The following SUGCT variants were observed in gnomAD, a reference collection of about 807,000 sequenced individuals.
SUGCT encodes the protein succinyl-CoA:glutarate-CoA transferase, also known as succinyl-CoA:glutarate CoA-transferase.
In SUGCT, 41 loss-of-function variants were observed where a neutral mutation model predicts 55.0. That is an observed-to-expected ratio of 0.74 (90% CI 0.58 to 0.97). The LOEUF (loss-of-function observed/expected upper bound fraction) is 0.97, where lower values mean the gene tolerates loss of function less well. SUGCT is among the 50% of genes least tolerant of loss of function. The pLI is 0.00. For missense variants in SUGCT, 568 were observed against 547.8 expected (o/e 1.04, Z -0.37); for synonymous variants, 187 against 200.4 (o/e 0.93, Z 0.56).
intron 12 of SUGCT, among the ~76,000 whole-genome samples, chr7:40,748,576 A>C (rs1393839720): frequency 6.6e-6 from 1 of 151,628 alleles, no homozygotes; most frequent in Admixed American, 6.6e-5. Flanking sequence ...AGAATATTTG[A>C]AGTTATTAGT....
intron 12 of SUGCT, among the ~76,000 whole-genome samples, chr7:40,627,397 G>C (rs551252656): frequency 6.6e-6 from 1 of 152,160 alleles, no homozygotes; most frequent in East Asian, 1.9e-4. Flanking sequence ...CCCACAATCA[G>C]TCTGATTGGT....
chr7:40,345,912 G>T (rs557725779), intron 9 of SUGCT, among the ~76,000 whole-genome samples: 145 of 151,556 alleles, frequency 9.6e-4, no homozygotes, highest in Non-Finnish European at 1.8e-3. Context: ...AAAGAAACTG[G>T]CTCAGATCTT....
At chr7:40,367,879 T>C (rs1443171452) in intron 9 of SUGCT, among the ~76,000 whole-genome samples, 1 of 152,142 alleles carries the variant, frequency 6.6e-6, no homozygotes, top group Non-Finnish European at 1.5e-5. Context: ...TTCCTGGCCC[T>C]TGCCATCTGT....
At chr7:40,215,066 A>C (rs1339724537) in intron 6 of SUGCT, among the ~76,000 whole-genome samples, 2 of 152,210 alleles carry the variant, frequency 1.3e-5, no homozygotes, top group Non-Finnish European at 2.9e-5. Flanking sequence ...CCCAGAGTTT[A>C]TAGCATGGCA....
intron 13 of SUGCT, among the ~76,000 whole-genome samples, chr7:40,751,907 C>T (rs1365516464): frequency 1.3e-5 from 2 of 152,214 alleles, no homozygotes; most frequent in Non-Finnish European, 2.9e-5. Context: ...AATTTGCTGA[C>T]TTTCACTGTA....
the SUGCT span, among the ~76,000 whole-genome samples, chr7:40,908,711 A>G: frequency 1.8e-4 from 28 of 152,296 alleles, no homozygotes; most frequent in African/African-American, 4.8e-4. Flanking sequence ...CAGATTTTTC[A>G]TAGTAATATT....
At chr7:40,629,353 T>C (rs529295866) in intron 12 of SUGCT, among the ~76,000 whole-genome samples, 1 of 152,316 alleles carries the variant, frequency 6.6e-6, no homozygotes, top group South Asian at 2.1e-4. Flanking sequence ...TGAGGGTAGA[T>C]GCTCTCCCTG....
intron 1 of SUGCT, among the ~76,000 whole-genome samples, chr7:40,163,354 C>G (rs1451532874): frequency 6.6e-6 from 1 of 151,940 alleles, no homozygotes; most frequent in Non-Finnish European, 1.5e-5. Context: ...ACCTGTAATC[C>G]CAGCACTTTG....
intron 12 of SUGCT, among the ~76,000 whole-genome samples, chr7:40,711,585 T>C (rs996600820): frequency 1.3e-5 from 2 of 152,170 alleles, no homozygotes; most frequent in East Asian, 1.9e-4. Context: ...GCAACTTCTG[T>C]ATTAAAAACT....
At chr7:40,531,107 A>G (rs1794057632) in intron 12 of SUGCT, among the ~76,000 whole-genome samples, 1 of 152,258 alleles carries the variant, frequency 6.6e-6, no homozygotes, top group Non-Finnish European at 1.5e-5. Flanking sequence ...GGAAGAATGC[A>G]TCGGAAGCCA....
intron 12 of SUGCT, among the ~76,000 whole-genome samples, chr7:40,569,289 C>T (rs182098123): frequency 1.3e-5 from 2 of 152,310 alleles, no homozygotes; most frequent in East Asian, 1.9e-4. Flanking sequence ...TTACCGAACC[C>T]TTGGCCAAGG....
intron 12 of SUGCT, among the ~76,000 whole-genome samples, chr7:40,654,461 A>G (rs181907008): frequency 3.7e-4 from 57 of 152,354 alleles, no homozygotes; most frequent in African/African-American, 1.3e-3. Context: ...CTCCGGTACC[A>G]GAAAGATCAT....
chr7:40,272,317 G>A (rs1792119859), intron 7 of SUGCT, among the ~76,000 whole-genome samples: 1 of 149,510 alleles, frequency 6.7e-6, no homozygotes, highest in East Asian at 2.0e-4. Flanking sequence ...GCTGGTACTA[G>A]GGGTGTGTGC....
intron 8 of SUGCT, among the ~76,000 whole-genome samples, chr7:40,295,951 G>A (rs1275267652): frequency 6.6e-6 from 1 of 152,192 alleles, no homozygotes; most frequent in Non-Finnish European, 1.5e-5. Context: ...TTTGCCATGT[G>A]TAGGGCAGGT....
the SUGCT span, among the ~76,000 whole-genome samples, chr7:40,880,576 A>C: frequency 6.6e-6 from 1 of 152,350 alleles, no homozygotes; most frequent in Non-Finnish European, 1.5e-5. Context: ...AAAAGTAATA[A>C]AAAGTTATGA....
intron 12 of SUGCT, among the ~76,000 whole-genome samples, chr7:40,522,098 C>T (rs1793561470): frequency 6.6e-6 from 1 of 151,956 alleles, no homozygotes; most frequent in African/African-American, 2.4e-5. Context: ...AAAAGACTTC[C>T]CCTTTTCTGT....
intron 9 of SUGCT, among the ~76,000 whole-genome samples, chr7:40,377,177 T>TC (rs1430398058): frequency 4.2e-4 from 7 of 16,698 alleles, no homozygotes; most frequent in Admixed American, 3.0e-3. Context: ...TTTCTTTCTT[T>TC]CTTTCTTTCT....
chr7:40,691,997 A>C (rs1784721418), intron 12 of SUGCT, among the ~76,000 whole-genome samples: 1 of 152,214 alleles, frequency 6.6e-6, no homozygotes, highest in Non-Finnish European at 1.5e-5. Flanking sequence ...AGGTCTTGCC[A>C]TAGGAGGTGA....
intron 12 of SUGCT, among the ~76,000 whole-genome samples, chr7:40,528,247 G>A (rs887103219): frequency 5.9e-5 from 9 of 152,224 alleles, no homozygotes; most frequent in African/African-American, 2.2e-4. Flanking sequence ...ACTTTGACTA[G>A]ACTACTTAGT....
Sources: allele counts gnomAD v4.1 joint callset (sites outside exome capture counted in the v4.1 genomes callset), GRCh38; gene constraint gnomAD v4.1.1; transcripts MANE v1.5; gene names NCBI Gene and HGNC (gene_info 2026-07-23, HGNC 2026-07-21).